Variants in COBLL1 observed in about 807,000 individuals in gnomAD.
The protein encoded by COBLL1 is cordon-bleu WH2 repeat protein like 1, also known as cordon-bleu protein-like 1.
In COBLL1, 50 loss-of-function variants were observed where a neutral mutation model predicts 94.8. The ratio of observed to expected loss-of-function variants is 0.53; its 90% CI spans 0.42 to 0.67. The LOEUF is 0.67. Ranked by LOEUF, COBLL1 falls within the 30% of genes least tolerant of loss-of-function variation. The probability of loss-of-function intolerance (pLI) is 0.00; values close to 1 mark genes in which losing one functional copy is unlikely to be tolerated. For missense variants in COBLL1, 1,362 were observed against 1,348.7 expected, an observed-to-expected ratio of 1.01 and a Z score of -0.15; for synonymous variants, 448 against 473.8, an observed-to-expected ratio of 0.95 and a Z score of 0.71.
rs565342803 is a variant in COBLL1, at chr2:164,803,221, T to C, written c.41+37935A>G. Among the ~76,000 whole-genome samples, 36 of 152,328 alleles carry C rather than the reference T, an allele frequency of 2.4e-4. 1 individual carries two copies. The South Asian group carries it at 7.2e-3, about 31-fold the overall frequency. On this transcript the variant is annotated intron_variant, in intron 2 of 13. Coordinates refer to ENST00000652658, the MANE Select transcript of COBLL1 (RefSeq NM_001365672.2). ...GTATATTTATCTGCCTCTCAATAAA[T>C]GTATTAGTAATATGTGATATCTTTA...
Position 164,743,962 on chromosome 2 carries a change from T to G in COBLL1, c.42-87A>C, listed in dbSNP as rs183070266. 2.0e-5 allele frequency: 19 copies of G among 954,162 alleles called. No homozygotes were observed. In the African/African-American group the frequency reaches 2.7e-4, roughly 13 times the overall value. 59.1% of individuals were successfully genotyped at this position (954,162 alleles called of 1,614,324 possible). On this transcript the variant is annotated intron_variant, in intron 2 of 13. Transcript: ENST00000652658. ...ATGATGTATTTTTATAAATATGATC[T>G]AGTAGTGGTTTTTCACATCTAGAAA... is the stretch of plus-strand genomic sequence containing the variant.
intron 7 of COBLL1, among the ~76,000 whole-genome samples, chr2:164,706,712 G>A (rs957994232): frequency 1.3e-5 from 2 of 151,960 alleles, no homozygotes; most frequent in African/African-American, 4.8e-5. Flanking sequence ...TCCCTTAGAA[G>A]ACATCCAACA....
chr2:164,674,798 T>C (rs1474146122), intron 1 of COBLL1, among the ~76,000 whole-genome samples: 1 of 152,204 alleles, frequency 6.6e-6, no homozygotes, highest in East Asian at 1.9e-4. Flanking sequence ...TCTTTAAACA[T>C]TCATGCGTAA....
chr2:164,710,570 T>TC (rs1684842736), intron 7 of COBLL1, among the ~76,000 whole-genome samples: 1 of 150,628 alleles, frequency 6.6e-6, no homozygotes, highest in East Asian at 1.9e-4. Flanking sequence ...AGCATTCTTT[T>TC]TTTTTTTTTT....
Position 164,704,966 on chromosome 2 carries a change from T to C in COBLL1, c.1136A>G (p.Asn379Ser), listed in dbSNP as rs1302913900. Residue 379 changes from asparagine to serine, a missense_variant, in exon 8 of 14, where the codon AAT (asparagine) becomes AGT (serine). Physicochemically the swap from Asn to Ser is conservative, Grantham distance 46. Coordinates refer to ENST00000652658, the MANE Select transcript of COBLL1 (RefSeq NM_001365672.2). ...AACCACATTACCAGTCACACGACTA[T>C]TTTCATCACTTTGATGCGGGGGTAT... is the stretch of plus-strand genomic sequence containing the variant. ...SKIPPHQSDE[N>S]SRVTALQPVD... 2 of 1,585,792 alleles carry C rather than the reference T, an allele frequency of 1.3e-6. No individual in the cohort carries two copies. Among genetic ancestry groups the C allele is most frequent in the Admixed American group, 1.9e-5 (1 of 53,752 alleles).
intron 2 of COBLL1, among the ~76,000 whole-genome samples, chr2:164,777,183 ATT>A (rs56230408): frequency 0.23 from 35,105 of 151,734 alleles, 4,684 homozygotes; most frequent in African/African-American, 0.36. Flanking sequence ...TTGTAGCTTG[ATT>A]TTTTTTTTAT....
intron 2 of COBLL1, among the ~76,000 whole-genome samples, chr2:164,774,286 C>T (rs422265): frequency 0.24 from 36,158 of 151,918 alleles, 5,041 homozygotes; most frequent in African/African-American, 0.38. Flanking sequence ...TCCCAGTGGG[C>T]CCAGGGCAAA....
chr2:164,760,247 C>G (rs355831), intron 2 of COBLL1, among the ~76,000 whole-genome samples: 1 of 151,940 alleles, frequency 6.6e-6, no homozygotes, highest in African/African-American at 2.4e-5. Flanking sequence ...ACATTCAACT[C>G]GGATGGATCT....
intron 9 of COBLL1, among the ~76,000 whole-genome samples, chr2:164,703,902 G>T (rs921366193): frequency 6.6e-6 from 1 of 152,118 alleles, no homozygotes; most frequent in Non-Finnish European, 1.5e-5. Context: ...CACTGGAAAA[G>T]TATTACTATA....
intron 3 of COBLL1, chr2:164,743,409 CTTA>C: frequency 3.8e-6 from 1 of 263,396 alleles, no homozygotes; most frequent in Non-Finnish European, 7.2e-6. Flanking sequence ...CCAGGAAAGG[CTTA>C]TTTTTAAAAA....
chr2:164,776,718 T>A (rs1003266381), intron 2 of COBLL1, among the ~76,000 whole-genome samples: 1 of 152,082 alleles, frequency 6.6e-6, no homozygotes, highest in Non-Finnish European at 1.5e-5. Flanking sequence ...AATCATCAAG[T>A]CTTTGCTGTC....
At chr2:164,659,501 T>C (rs1355802635) in intron 2 of COBLL1, among the ~76,000 whole-genome samples, 2 of 152,172 alleles carry the variant, frequency 1.3e-5, no homozygotes, top group Admixed American at 1.3e-4. Flanking sequence ...CAGAGCCTGA[T>C]GTTTAAGTAA....
At chr2:164,776,682 A>G (rs1688479863) in intron 2 of COBLL1, among the ~76,000 whole-genome samples, 1 of 152,054 alleles carries the variant, frequency 6.6e-6, no homozygotes, top group South Asian at 2.1e-4. Flanking sequence ...CCTGATGCCT[A>G]TAACAGGGAC....
intron 9 of COBLL1, among the ~76,000 whole-genome samples, chr2:164,701,902 G>A (rs1247195429): frequency 2.7e-5 from 4 of 150,708 alleles, no homozygotes; most frequent in Non-Finnish European, 5.9e-5. Context: ...TGGGAGGGGG[G>A]GGCGGGGTGG....
Position 164,702,525 on chromosome 2 carries a change from C to CT in COBLL1, c.1226-1770dup, listed in dbSNP as rs577775308. Among the ~76,000 whole-genome samples the CT allele has an allele frequency of 5.2e-4, 70 of 133,760 alleles. 1 individual carries two copies. In the East Asian group the frequency reaches 0.014, roughly 27 times the overall value. 87.8% of individuals were successfully genotyped at this position (133,760 alleles called of 152,430 possible). A position where few individuals can be genotyped will look rare whatever the true frequency, so the allele number is the denominator to read the frequency against. On this transcript the variant is annotated intron_variant, in intron 9 of 13. Coordinates refer to ENST00000652658, the MANE Select transcript of COBLL1 (RefSeq NM_001365672.2). ...CTTGCAGTGAGCCGAGATCACGCCA[C>CT]TGCACTCCAGCCTGGGCAACAGTGA... is the stretch of plus-strand genomic sequence containing the variant.
chr2:164,818,210 G>GTA (rs781208484), intron 2 of COBLL1, among the ~76,000 whole-genome samples: 2 of 139,578 alleles, frequency 1.4e-5, no homozygotes, highest in African/African-American at 5.4e-5. Flanking sequence ...ACATATGTGT[G>GTA]TATATATACA....
Position 164,710,568 on chromosome 2 carries a change from T to TC in COBLL1, c.997-5464_997-5463insG, listed in dbSNP as rs1486822106. Among the ~76,000 whole-genome samples, 4 of 22,428 alleles carry TC rather than the reference T, an allele frequency of 1.8e-4. No individual in the cohort carries two copies. The East Asian group carries it at 2.2e-3, about 12-fold the overall frequency. The allele number at this position is 22,428 out of a possible 152,430, so 14.7% of individuals were successfully genotyped here. A position where few individuals can be genotyped will look rare whatever the true frequency, so the allele number is the denominator to read the frequency against. ...ACTGATCCCTAAGCAGCAGCATTCTTTTTTTTTTTTTTTGGAGACGGAGTT... is the reference window on the plus strand; with the variant it reads ...ACTGATCCCTAAGCAGCAGCATTCTTCTTTTTTTTTTTTTGGAGACGGAGTT... On this transcript the variant is annotated intron_variant, in intron 7 of 13. Coordinates refer to ENST00000652658, the MANE Select transcript of COBLL1 (RefSeq NM_001365672.2).
intron 2 of COBLL1, among the ~76,000 whole-genome samples, chr2:164,810,981 T>C (rs1214898641): frequency 2.6e-5 from 4 of 151,850 alleles, no homozygotes; most frequent in African/African-American, 9.7e-5. Flanking sequence ...ACTTGCATAA[T>C]AGATATAATC....
At chr2:164,779,121 T>TGTG (rs1688615849) in intron 2 of COBLL1, among the ~76,000 whole-genome samples, 1 of 150,594 alleles carries the variant, frequency 6.6e-6, no homozygotes, top group Admixed American at 6.6e-5. Context: ...TTGTTGTTGT[T>TGTG]TTGTTTTTCC....
Sources: allele counts gnomAD v4.1 joint callset (sites outside exome capture counted in the v4.1 genomes callset), GRCh38; gene constraint gnomAD v4.1.1; transcripts MANE v1.5; gene names NCBI Gene and HGNC (gene_info 2026-07-23, HGNC 2026-07-21).